PAPPA2: variants seen among roughly 807,000 people sequenced by gnomAD.
PAPPA2 encodes pappalysin-2.
PAPPA2 carries 86 observed loss-of-function variants against 176.4 expected under a neutral mutation model. The observed-to-expected ratio is 0.49, with a 90% CI of 0.41 to 0.58. PAPPA2 has a LOEUF of 0.58. Ranked by LOEUF, PAPPA2 falls within the 20% of genes least tolerant of loss-of-function variation. PAPPA2 has a pLI of 0.00. For synonymous variants in PAPPA2, 809 were observed against 852.2 expected, an observed-to-expected ratio of 0.95 and a Z score of 0.88; for missense variants, 2,073 against 2,256.9, an observed-to-expected ratio of 0.92 and a Z score of 1.65.
chr1:176,664,461 T>C (rs1252698861), intron 3 of PAPPA2, among the ~76,000 whole-genome samples: 1 of 152,206 alleles, frequency 6.6e-6, no homozygotes, highest in Non-Finnish European at 1.5e-5. Flanking sequence ...GAAAAGTTCT[T>C]TGCTTTTAAG....
intron 3 of PAPPA2, among the ~76,000 whole-genome samples, chr1:176,606,957 G>T (rs1654650476): frequency 6.6e-6 from 1 of 152,176 alleles, no homozygotes; most frequent in Non-Finnish European, 1.5e-5. Context: ...AGTCTTAGAT[G>T]TTGGGCTAAG....
intron 1 of PAPPA2, among the ~76,000 whole-genome samples, chr1:176,529,076 C>G (rs914869878): frequency 6.6e-6 from 1 of 152,154 alleles, no homozygotes; most frequent in Non-Finnish European, 1.5e-5. Flanking sequence ...GCATAGCAAT[C>G]TGCACAGAAT....
At chr1:176,712,634 T>G (rs1236101806) in intron 12 of PAPPA2, among the ~76,000 whole-genome samples, 1 of 152,332 alleles carries the variant, frequency 6.6e-6, no homozygotes, top group East Asian at 1.9e-4. Context: ...TATTATGCTA[T>G]TACAAGTCAT....
At chr1:176,636,987 A>G (rs1399692895) in intron 3 of PAPPA2, among the ~76,000 whole-genome samples, 2 of 152,146 alleles carry the variant, frequency 1.3e-5, no homozygotes, top group Non-Finnish European at 1.5e-5. Flanking sequence ...TGGATTCCAT[A>G]CAGCCAGAGT....
At chr1:176,768,615 T>C (rs1664082350) in intron 15 of PAPPA2, among the ~76,000 whole-genome samples, 1 of 152,198 alleles carries the variant, frequency 6.6e-6, no homozygotes, top group African/African-American at 2.4e-5. Flanking sequence ...CTTCACATGT[T>C]TTTGAACCGT....
chr1:176,469,422 C>T (rs1651773742), intron 1 of PAPPA2, among the ~76,000 whole-genome samples: 1 of 152,118 alleles, frequency 6.6e-6, no homozygotes, highest in South Asian at 2.1e-4. Flanking sequence ...ACACACACCC[C>T]TCTAGTACCC....
intron 14 of PAPPA2, among the ~76,000 whole-genome samples, chr1:176,741,447 A>G (rs1662674446): frequency 6.6e-6 from 1 of 152,192 alleles, no homozygotes; most frequent in South Asian, 2.1e-4. Context: ...CAGTGATCCA[A>G]GACAGAAAGA....
chr1:176,471,965 A>G (rs1264207222), intron 1 of PAPPA2, among the ~76,000 whole-genome samples: 1 of 152,172 alleles, frequency 6.6e-6, no homozygotes, highest in Non-Finnish European at 1.5e-5. Flanking sequence ...TGGCAAGGAT[A>G]TGGGTGGCAC....
Position 176,595,595 on chromosome 1 carries a change from G to T in PAPPA2, c.1991G>T (p.Arg664Met). ...TGCTTTGACCCTGACTCACCCAAGA[G>T]GTAAGGGACTGGGATTTGGGGTGTC... ...KTCFDPDSPK[R>M]AYMSVKELKE... Residue 664 changes from arginine (R) to methionine (M), a missense_variant and splice_region_variant, in exon 3 of 23, where the codon AGG (arginine) becomes ATG (methionine). Arg to Met is a moderately conservative substitution (Grantham distance 91, BLOSUM62 -1). Around this residue, in one of 4 missense-constraint regions of PAPPA2, gnomAD observed 1,196 missense variants for 1,330.4 expected, o/e 0.90. Transcript: ENST00000367662. The T allele has an allele frequency of 1.2e-6, 2 of 1,605,924 alleles. No homozygotes were observed. The highest frequency in any genetic ancestry group is 1.7e-6 in the Non-Finnish European group (2 of 1,174,784).
intron 21 of PAPPA2, among the ~76,000 whole-genome samples, chr1:176,806,935 G>T (rs1446965139): frequency 6.6e-6 from 1 of 152,106 alleles, no homozygotes; most frequent in East Asian, 1.9e-4. Flanking sequence ...TTATTCATTG[G>T]ATGGATTAGG....
At chr1:176,645,191 C>T (rs1209268761) in intron 3 of PAPPA2, among the ~76,000 whole-genome samples, 1 of 151,642 alleles carries the variant, frequency 6.6e-6, no homozygotes, top group Non-Finnish European at 1.5e-5. Context: ...GGTCTTGTTT[C>T]TTCTTTCAAA....
intron 3 of PAPPA2, among the ~76,000 whole-genome samples, chr1:176,643,135 T>C (rs776367265): frequency 6.6e-6 from 1 of 151,964 alleles, no homozygotes; most frequent in Non-Finnish European, 1.5e-5. Context: ...GCATGCCATT[T>C]TATCTTCACA....
At chr1:176,841,973 A>G (rs562294971) in intron 22 of PAPPA2, among the ~76,000 whole-genome samples, 1 of 152,290 alleles carries the variant, frequency 6.6e-6, no homozygotes, top group South Asian at 2.1e-4. Context: ...TGCTAATGCT[A>G]CCATTCATCT....
intron 3 of PAPPA2, chr1:176,616,740 A>C (rs1377428303): frequency 3.3e-3 from 4,207 of 1,267,852 alleles, no homozygotes; most frequent in Non-Finnish European, 4.3e-3. Context: ...AGGAAATCTC[A>C]TGTTCTTGTA....
intron 4 of PAPPA2, among the ~76,000 whole-genome samples, chr1:176,682,479 A>C (rs1659630671): frequency 6.6e-6 from 1 of 152,172 alleles, no homozygotes; most frequent in African/African-American, 2.4e-5. Flanking sequence ...GGATCTTAAT[A>C]TTTAATTTTT....
At chr1:176,779,519 C>CACACACACACAG (rs1451138087) in intron 17 of PAPPA2, among the ~76,000 whole-genome samples, 9 of 102,536 alleles carry the variant, frequency 8.8e-5, no homozygotes, top group East Asian at 4.3e-4. Flanking sequence ...CACACACACA[C>CACACACACACAG]AGAGAGAGAG....
intron 21 of PAPPA2, among the ~76,000 whole-genome samples, chr1:176,834,312 A>G (rs1410577504): frequency 6.6e-6 from 1 of 152,222 alleles, no homozygotes; most frequent in Non-Finnish European, 1.5e-5. Context: ...TTCCTGCATA[A>G]GCCATCTTGA....
rs1246088416 is a variant in PAPPA2 at position 176,765,811 on chromosome 1, A to G, written c.4297A>G (p.Ser1433Gly). 1.7e-5 allele frequency: 27 copies of G among 1,614,030 alleles called. No homozygotes were observed. In the Admixed American group the frequency reaches 4.3e-4, roughly 26 times the overall value. ...CQRGFALQASSGQYIRPMQKE... is the reference protein window; with the variant it reads ...CQRGFALQASGGQYIRPMQKE... ...AAGGGGATTTGCCCTTCAGGCCAGC[A>G]GTGGGCAGTACATCAGGCCCATGCA... Residue 1433 changes from serine to glycine, a missense_variant, in exon 15 of 23, where the codon AGT (serine) becomes GGT (glycine). By Grantham distance (56) the Ser-to-Gly change is moderately conservative. Around this residue, in one of 4 missense-constraint regions of PAPPA2, gnomAD observed 846 missense variants for 857.9 expected, o/e 0.99. Coordinates refer to ENST00000367662, the MANE Select transcript of PAPPA2 (RefSeq NM_020318.3).
At chr1:176,712,818 C>T (rs1168244904) in intron 12 of PAPPA2, among the ~76,000 whole-genome samples, 1 of 152,154 alleles carries the variant, frequency 6.6e-6, no homozygotes, top group African/African-American at 2.4e-5. Flanking sequence ...TCAAATGTTT[C>T]ACATTTTCAT....
Sources: allele counts gnomAD v4.1 joint callset (sites outside exome capture counted in the v4.1 genomes callset), GRCh38; gene constraint gnomAD v4.1.1; regional missense constraint gnomAD v4.1.1; transcripts MANE v1.5; gene names NCBI Gene and HGNC (gene_info 2026-07-23, HGNC 2026-07-21).